The following RYR2 variants were observed in gnomAD, a reference collection of about 807,000 sequenced individuals.
RYR2 encodes the protein ryanodine receptor 2, also known as cardiac muscle ryanodine receptor-calcium release channel.
RYR2 carries 227 observed loss-of-function variants against 601.1 expected under a neutral mutation model. The observed-to-expected ratio is 0.38, with a 90% CI of 0.34 to 0.42. The LOEUF (loss-of-function observed/expected upper bound fraction) is 0.42, where lower values mean the gene tolerates loss of function less well. Among genes scored for constraint, RYR2 ranks in the 10% least tolerant of loss-of-function variants. The pLI is 1.00. For missense variants in RYR2, 4,646 were observed against 6,156.5 expected (o/e 0.75, Z 8.21); for synonymous variants, 2,223 against 2,175.1 (o/e 1.02, Z -0.61).
chr1:237,255,529 C>A (rs551904690), intron 1 of RYR2, among the ~76,000 whole-genome samples: 1 of 152,230 alleles, frequency 6.6e-6, no homozygotes, highest in African/African-American at 2.4e-5. Flanking sequence ...TCCTTTGCCT[C>A]CTGGTTTCTG....
chr1:237,469,362 G>C (rs1558871679), intron 17 of RYR2, among the ~76,000 whole-genome samples, 175 bp downstream of exon 17: 1 of 151,382 alleles, frequency 6.6e-6, no homozygotes, highest in South Asian at 2.1e-4. Context: ...GAGGCTAGGA[G>C]TTTGAGGCTG....
Position 237,475,900 on chromosome 1 carries a change from G to A in RYR2, c.1708+6713G>A, listed in dbSNP as rs187794464. ...TTCAAGTGTGTCTAGTGATTATGTC[G>A]CTGGGCCAAAGTTAATTGAAAAGAC... On this transcript the variant is annotated intron_variant, in intron 17 of 104. Transcript: ENST00000366574. Among the ~76,000 whole-genome samples the A allele has an allele frequency of 8.6e-4, 120 of 140,144 alleles. 2 individuals are homozygous for A. Among genetic ancestry groups the A allele is most frequent in the African/African-American group, 2.6e-3 (102 of 39,918 alleles). The allele number at this position is 140,144 out of a possible 152,430, so 91.9% of individuals were successfully genotyped here.
At chr1:237,441,955 A>G (rs1430958239) in intron 13 of RYR2, among the ~76,000 whole-genome samples, 4 of 152,150 alleles carry the variant, frequency 2.6e-5, no homozygotes, top group African/African-American at 7.2e-5. Flanking sequence ...TCATTACTAG[A>G]CTCTGAGATT....
At chr1:237,063,533 AATTT>A (rs1043041233) in intron 1 of RYR2, among the ~76,000 whole-genome samples, 17 of 151,546 alleles carry the variant, frequency 1.1e-4, no homozygotes, top group Non-Finnish European at 8.8e-5. Flanking sequence ...TAATACTTTA[AATTT>A]ATTTATCCTC....
At chr1:237,409,411 TA>T (rs1230410628) in intron 10 of RYR2, among the ~76,000 whole-genome samples, 1 of 152,168 alleles carries the variant, frequency 6.6e-6, no homozygotes, top group African/African-American at 2.4e-5. Flanking sequence ...CATTTATTGA[TA>T]TGATCAATGA....
chr1:237,295,265 T>C (rs1692639807), intron 2 of RYR2, among the ~76,000 whole-genome samples: 1 of 132,058 alleles, frequency 7.6e-6, no homozygotes, highest in African/African-American at 3.0e-5. Flanking sequence ...GAAACCGTAC[T>C]TCAGTGTTTG....
chr1:237,117,582 C>T lies in RYR2; in HGVS notation c.48+75013C>T, dbSNP rs114195894. 9.6e-3 allele frequency among the ~76,000 whole-genome samples: 1,463 copies of T among 152,152 alleles called. 19 individuals carry two copies. Among genetic ancestry groups the T allele is most frequent in the South Asian group, 0.042 (202 of 4,800 alleles). The stretch of plus-strand genomic sequence containing the variant: ...TAGAGTCCATGATTGATTGACTTTT[C>T]TTTTCTCTTCTTTTTTCTCTTCTCT... On this transcript the variant is annotated intron_variant, in intron 1 of 104. Coordinates refer to ENST00000366574, the MANE Select transcript of RYR2 (RefSeq NM_001035.3).
intron 73 of RYR2, among the ~76,000 whole-genome samples, chr1:237,722,013 A>T (rs1350563932): frequency 6.6e-6 from 1 of 152,100 alleles, no homozygotes; most frequent in Admixed American, 6.6e-5. Flanking sequence ...AGACTCCTTT[A>T]TGATGAGTGT....
chr1:237,701,013 A>G (rs1211157503), intron 65 of RYR2, among the ~76,000 whole-genome samples: 1 of 152,212 alleles, frequency 6.6e-6, no homozygotes, highest in South Asian at 2.1e-4. Flanking sequence ...TAATAAAACT[A>G]TACACAGAAT....
At chr1:237,505,465 T>C (rs1223357440) in intron 22 of RYR2, among the ~76,000 whole-genome samples, 3 of 152,232 alleles carry the variant, frequency 2.0e-5, no homozygotes, top group Admixed American at 2.0e-4. Flanking sequence ...GCTCCTCAAA[T>C]CGTATTTCTT....
At chr1:237,410,095 G>T (rs943303697) in intron 10 of RYR2, among the ~76,000 whole-genome samples, 4 of 152,092 alleles carry the variant, frequency 2.6e-5, no homozygotes, top group African/African-American at 9.7e-5. Context: ...GAAAAATAAA[G>T]TTCACTTAGA....
chr1:237,346,367 C>CAAAAAA (rs397975831), intron 3 of RYR2, among the ~76,000 whole-genome samples: 9 of 62,358 alleles, frequency 1.4e-4, no homozygotes, highest in South Asian at 1.4e-3. Context: ...GGGTCTACCT[C>CAAAAAA]AAAAAAAAAA....
chr1:237,818,393 C>T (rs572174210), intron 100 of RYR2, among the ~76,000 whole-genome samples: 18 of 152,250 alleles, frequency 1.2e-4, no homozygotes, highest in African/African-American at 4.3e-4. Flanking sequence ...GAACACTGCC[C>T]TAAAATGCAC....
intron 1 of RYR2, among the ~76,000 whole-genome samples, chr1:237,057,255 G>T (rs1479354959): frequency 2.6e-5 from 4 of 151,888 alleles, no homozygotes; most frequent in African/African-American, 9.7e-5. Flanking sequence ...GTGTGATATC[G>T]GCTCACTGCA....
intron 1 of RYR2, among the ~76,000 whole-genome samples, chr1:237,111,888 A>G (rs965139399): frequency 2.6e-5 from 4 of 152,158 alleles, no homozygotes; most frequent in Admixed American, 1.3e-4. Flanking sequence ...GAACTGGCAG[A>G]AGGACAAAAT....
chr1:237,566,855 C>T (rs1478772322), intron 28 of RYR2, 80 bp downstream of exon 28: 3 of 1,430,866 alleles, frequency 2.1e-6, no homozygotes, highest in Non-Finnish European at 3.0e-6. Flanking sequence ...GGTAGCTTCA[C>T]AGTACCAGTG....
chr1:237,797,257 A>T (rs540443751), intron 96 of RYR2, among the ~76,000 whole-genome samples: 14 of 152,258 alleles, frequency 9.2e-5, no homozygotes, highest in African/African-American at 2.9e-4. Flanking sequence ...ACAGAAGAGA[A>T]ATAAGCAAGG....
At chr1:237,464,875 C>T (rs1460707520) in intron 16 of RYR2, among the ~76,000 whole-genome samples, 1 of 152,092 alleles carries the variant, frequency 6.6e-6, no homozygotes, top group African/African-American at 2.4e-5. Context: ...TCACCATTTA[C>T]TTATTTAGGC....
chr1:237,318,299 A>G (rs1695302898), intron 2 of RYR2, among the ~76,000 whole-genome samples: 2 of 152,090 alleles, frequency 1.3e-5, no homozygotes. Flanking sequence ...ACACCCATAC[A>G]TCATACATAT....
Sources: gnomAD v4.1 joint callset for allele counts (sites outside exome capture counted in the v4.1 genomes callset) on GRCh38, gnomAD v4.1.1 for gene constraint, MANE v1.5 for transcripts, NCBI Gene and HGNC (gene_info 2026-07-23, HGNC 2026-07-21) for gene names.